Variants in ADAMTS17 observed in about 807,000 individuals in gnomAD.
ADAMTS17 encodes A disintegrin and metalloproteinase with thrombospondin motifs 17.
ADAMTS17 carries 113 observed loss-of-function variants against 141.5 expected under a neutral mutation model. That is an observed-to-expected ratio of 0.80 (90% CI 0.69 to 0.93). ADAMTS17 has a LOEUF of 0.93. ADAMTS17 is among the 40% of genes least tolerant of loss of function. The pLI is 0.00. For synonymous variants in ADAMTS17, 768 were observed against 630.6 expected (o/e 1.22, Z -3.27); for missense variants, 1,659 against 1,517.9 (o/e 1.09, Z -1.54).
intron 3 of ADAMTS17, among the ~76,000 whole-genome samples, chr15:100,285,950 G>C (rs560953783): frequency 9.9e-5 from 15 of 152,234 alleles, no homozygotes; most frequent in African/African-American, 3.6e-4. Flanking sequence ...CCCACCATGT[G>C]CCAGCCTCTC....
chr15:100,161,662 G>C (rs1252129476), intron 8 of ADAMTS17, among the ~76,000 whole-genome samples: 1 of 152,178 alleles, frequency 6.6e-6, no homozygotes, highest in Non-Finnish European at 1.5e-5. Context: ...CTGCACCAGA[G>C]GGGAAATTCT....
chr15:100,338,722 A>G (rs1045094751), intron 2 of ADAMTS17, among the ~76,000 whole-genome samples: 5 of 151,884 alleles, frequency 3.3e-5, no homozygotes, highest in Non-Finnish European at 5.9e-5. Context: ...CCCTTCCCAC[A>G]CCTTATAGCC....
chr15:100,199,382 A>G lies in ADAMTS17; in HGVS notation c.1117T>C (p.Cys373Arg), dbSNP rs1350503827. The part of the protein sequence containing the change: ...LGGVCSAKRK[C>R]VLAEDNGLNL... ...AGACCATTGTCTTCGGCAAGCACAC[A>G]CTTCCTCTTAGCACTGCACACACCT... is the stretch of plus-strand genomic sequence containing the variant. Residue 373 changes from cysteine to arginine, a missense_variant, in exon 8 of 22, where the codon TGT (cysteine) becomes CGT (arginine). Transcript: ENST00000268070. 1.9e-6 allele frequency: 3 copies of G among 1,614,168 alleles called. No homozygotes were observed. The highest frequency in any genetic ancestry group is 2.5e-6 in the Non-Finnish European group (3 of 1,180,024).
intron 14 of ADAMTS17, among the ~76,000 whole-genome samples, chr15:100,100,817 C>T (rs1167341271): frequency 6.6e-6 from 1 of 152,138 alleles, no homozygotes; most frequent in Non-Finnish European, 1.5e-5. Context: ...AACGTCCGCA[C>T]ATATGAATTT....
chr15:99,995,007 T>G (rs2060771386), intron 19 of ADAMTS17, among the ~76,000 whole-genome samples: 1 of 152,206 alleles, frequency 6.6e-6, no homozygotes, highest in South Asian at 2.1e-4. Flanking sequence ...AGTAGCTGTG[T>G]GTGGAGTGTA....
chr15:100,070,861 A>C lies in ADAMTS17; in HGVS notation c.2138-16807T>G, dbSNP rs1348753140. Reference sequence around the variant, plus strand: ...GAGAAGCAAGAGCAAACACATTCAAAAGCTAGCAGAAGGCAAGAAATAACT... The same window carrying C: ...GAGAAGCAAGAGCAAACACATTCAACAGCTAGCAGAAGGCAAGAAATAACT... On this transcript the variant is annotated intron_variant, in intron 15 of 21. Coordinates refer to ENST00000268070, the MANE Select transcript of ADAMTS17 (RefSeq NM_139057.4). Among the ~76,000 whole-genome samples, 6 of 149,804 alleles carry C rather than the reference A, an allele frequency of 4.0e-5. 1 individual carries two copies. Among genetic ancestry groups the C allele is most frequent in the African/African-American group, 1.5e-4 (6 of 40,466 alleles).
intron 7 of ADAMTS17, among the ~76,000 whole-genome samples, chr15:100,237,815 G>T (rs1334244975): frequency 6.6e-6 from 1 of 152,104 alleles, no homozygotes; most frequent in African/African-American, 2.4e-5. Context: ...GTAGAGACAG[G>T]GTTTCACGAT....
intron 8 of ADAMTS17, among the ~76,000 whole-genome samples, chr15:100,174,821 A>G (rs1596188632): frequency 1.3e-5 from 2 of 152,210 alleles, no homozygotes; most frequent in East Asian, 1.9e-4. Flanking sequence ...ACGACAGTAG[A>G]TATTTTTACT....
chr15:100,302,320 A>T (rs2045068430), intron 3 of ADAMTS17, among the ~76,000 whole-genome samples: 1 of 152,184 alleles, frequency 6.6e-6, no homozygotes, highest in Non-Finnish European at 1.5e-5. Context: ...ATTGACAGTC[A>T]TTTGAGTTGT....
At chr15:100,162,727 G>A (rs1255880441) in intron 8 of ADAMTS17, among the ~76,000 whole-genome samples, 2 of 131,464 alleles carry the variant, frequency 1.5e-5, no homozygotes, top group East Asian at 6.7e-4. Context: ...CATTATATGT[G>A]TATATATATG....
At chr15:100,281,148 G>T in intron 4 of ADAMTS17, 81 bp downstream of exon 4, 1 of 1,581,402 alleles carries the variant, frequency 6.3e-7, no homozygotes, top group Non-Finnish European at 8.6e-7. Context: ...TTGAGGAGAT[G>T]AGGACACAGC....
intron 18 of ADAMTS17, among the ~76,000 whole-genome samples, chr15:100,005,089 G>A (rs1040810401): frequency 6.6e-6 from 1 of 152,186 alleles, no homozygotes; most frequent in Non-Finnish European, 1.5e-5. Context: ...CACAGTTAAC[G>A]CTTCTCTAAT....
chr15:100,155,037 C>G (rs890378809), intron 9 of ADAMTS17, 143 bp downstream of exon 9: 7 of 1,214,948 alleles, frequency 5.8e-6, no homozygotes, highest in South Asian at 2.6e-5. Flanking sequence ...ATAGGACACT[C>G]TGCGCTGACC....
chr15:100,160,750 G>A (rs1283464307), intron 8 of ADAMTS17, among the ~76,000 whole-genome samples: 1 of 152,126 alleles, frequency 6.6e-6, no homozygotes, highest in African/African-American at 2.4e-5. Context: ...GGGATTCTTG[G>A]GTTTCTGGAG....
chr15:100,206,718 T>C (rs969258887), intron 7 of ADAMTS17, among the ~76,000 whole-genome samples: 3 of 152,160 alleles, frequency 2.0e-5, no homozygotes, highest in African/African-American at 4.8e-5. Flanking sequence ...CAACTAAGTC[T>C]TCCATGGGGT....
intron 8 of ADAMTS17, among the ~76,000 whole-genome samples, chr15:100,170,565 T>C (rs1042496388): frequency 2.0e-5 from 3 of 152,328 alleles, no homozygotes; most frequent in Admixed American, 6.5e-5. Context: ...GATTTCAAGA[T>C]GAAATTTGGT....
intron 15 of ADAMTS17, among the ~76,000 whole-genome samples, chr15:100,072,068 C>G (rs975212075): frequency 1.3e-5 from 2 of 150,222 alleles, no homozygotes; most frequent in Non-Finnish European, 3.0e-5. Context: ...TCTGAGGATA[C>G]AAAATCAATG....
At chr15:100,252,691 C>G (rs545803085) in intron 7 of ADAMTS17, among the ~76,000 whole-genome samples, 7 of 152,302 alleles carry the variant, frequency 4.6e-5, no homozygotes, top group Admixed American at 1.3e-4. Context: ...GGGAAGCATC[C>G]TTCACACGGC....
intron 3 of ADAMTS17, among the ~76,000 whole-genome samples, chr15:100,303,173 TTATA>T (rs200794262): frequency 1.8e-4 from 27 of 146,692 alleles, no homozygotes; most frequent in African/African-American, 3.5e-4. Context: ...ATATAAAAAT[TTATA>T]TATATAAACT....
Sources: allele counts gnomAD v4.1 joint callset (sites outside exome capture counted in the v4.1 genomes callset), GRCh38; gene constraint gnomAD v4.1.1; transcripts MANE v1.5; gene names NCBI Gene and HGNC (gene_info 2026-07-23, HGNC 2026-07-21).